Variants in MEGF9 observed in about 807,000 individuals in gnomAD.
MEGF9 encodes the protein multiple epidermal growth factor-like domains protein 9.
In MEGF9, 6 loss-of-function variants were observed where a neutral mutation model predicts 46.8. The observed-to-expected ratio is 0.13, with a 90% CI of 0.07 to 0.25. The LOEUF (loss-of-function observed/expected upper bound fraction) is 0.25, where lower values mean the gene tolerates loss of function less well. MEGF9 is among the 10% of genes least tolerant of loss of function. The probability of loss-of-function intolerance (pLI) is 1.00; values close to 1 mark genes in which losing one functional copy is unlikely to be tolerated. For synonymous variants in MEGF9, 302 were observed against 330.7 expected (o/e 0.91, Z 0.94); for missense variants, 683 against 792.4 (o/e 0.86, Z 1.66).
intron 1 of MEGF9, among the ~76,000 whole-genome samples, chr9:120,672,433 AAAATAAATAAATAAATAAAT>A (rs145401927): frequency 6.9e-6 from 1 of 144,762 alleles, no homozygotes; most frequent in Admixed American, 6.8e-5. Flanking sequence ...TCTCTACAGA[AAAATAAATAAATAAATAAAT>A]AAATAAATAA....
At chr9:120,711,613 T>C (rs1057427814) in intron 1 of MEGF9, among the ~76,000 whole-genome samples, 3 of 152,166 alleles carry the variant, frequency 2.0e-5, no homozygotes, top group Admixed American at 6.5e-5. Flanking sequence ...GGGTTACCTT[T>C]GGGGTTGAAA....
At chr9:120,632,914 C>T (rs2043557010) in intron 2 of MEGF9, among the ~76,000 whole-genome samples, 1 of 152,088 alleles carries the variant, frequency 6.6e-6, no homozygotes. Context: ...ATGTGTTGAA[C>T]CACCCTTGCA....
intron 1 of MEGF9, among the ~76,000 whole-genome samples, chr9:120,667,101 T>C (rs1410095457): frequency 1.3e-5 from 2 of 152,196 alleles, no homozygotes; most frequent in African/African-American, 2.4e-5. Flanking sequence ...TTTTAAGCAA[T>C]GAGGTCTTAC....
chr9:120,639,941 G>GC (rs2043594998), intron 2 of MEGF9, among the ~76,000 whole-genome samples: 1 of 151,948 alleles, frequency 6.6e-6, no homozygotes, highest in Non-Finnish European at 1.5e-5. Flanking sequence ...CACCCTTTAT[G>GC]CCCCTAAGCT....
rs947467373 is a variant in MEGF9, at chr9:120,601,661, A to T, written c.*3529T>A. The T allele has an allele frequency of 1.3e-5, 2 of 152,218 alleles. No individual in the cohort carries two copies. The highest frequency in any genetic ancestry group is 2.9e-5 in the Non-Finnish European group (2 of 68,042). The allele number at this position is 152,218 out of a possible 1,614,324, so 9.4% of individuals were successfully genotyped here. ...AAATCTAGGTATCACTGGGAAGAGTAACGCACTAGGCCCACAGGACCTTAG... is the reference window on the plus strand; with the variant it reads ...AAATCTAGGTATCACTGGGAAGAGTTACGCACTAGGCCCACAGGACCTTAG... On this transcript the variant is annotated 3_prime_UTR_variant, in exon 6 of 6. Transcript: ENST00000373930.
intron 3 of MEGF9, among the ~76,000 whole-genome samples, chr9:120,616,718 G>A (rs1336119108): frequency 1.4e-5 from 2 of 147,376 alleles, no homozygotes; most frequent in African/African-American, 5.0e-5. Flanking sequence ...GGGAATTAAT[G>A]TCAAATTTGT....
intron 1 of MEGF9, among the ~76,000 whole-genome samples, chr9:120,662,982 AT>A (rs2043709403): frequency 6.6e-6 from 1 of 152,212 alleles, no homozygotes; most frequent in African/African-American, 2.4e-5. Context: ...AAACAGAAGG[AT>A]TTAGGATGTG....
intron 1 of MEGF9, among the ~76,000 whole-genome samples, chr9:120,702,834 C>A (rs965743850): frequency 1.3e-5 from 2 of 152,146 alleles, no homozygotes; most frequent in Admixed American, 1.3e-4. Context: ...TCTGAGGAAC[C>A]CTGGGTCCCC....
Position 120,605,272 on chromosome 9 carries a change from C to A in MEGF9, c.1727G>T (p.Gly576Val). 6.2e-7 allele frequency: 1 copy of A among 1,614,018 alleles called. No homozygotes were observed. Among genetic ancestry groups the A allele is most frequent in the Non-Finnish European group, 8.5e-7 (1 of 1,179,888 alleles). ...TTCATTGCCATCATCTTCCAACAATCCCGAAACATCTGCATTGGGAATGCT... is the reference window on the plus strand; with the variant it reads ...TTCATTGCCATCATCTTCCAACAATACCGAAACATCTGCATTGGGAATGCT... Reference protein sequence around the residue: ...HDSIPNADVSGLLEDDGNEVA... With the variant: ...HDSIPNADVSVLLEDDGNEVA... Residue 576 changes from glycine to valine, a missense_variant, in exon 6 of 6, where the codon GGA (glycine) becomes GTA (valine). Physicochemically the swap from Gly to Val is moderately radical, Grantham distance 109 (BLOSUM62 -3). Transcript: ENST00000373930. This position sits in a 1 kb window ranked among gnomAD's most constrained non-coding sequence, Gnocchi z 4.0.
intron 2 of MEGF9, among the ~76,000 whole-genome samples, chr9:120,634,138 T>G (rs950945722): frequency 6.6e-6 from 1 of 152,202 alleles, no homozygotes; most frequent in African/African-American, 2.4e-5. Flanking sequence ...AAATGTTTCC[T>G]TGTTGATTTT....
At chr9:120,686,216 G>T (rs931119003) in intron 1 of MEGF9, among the ~76,000 whole-genome samples, 1 of 151,134 alleles carries the variant, frequency 6.6e-6, no homozygotes, top group Non-Finnish European at 1.5e-5. Context: ...CAGCCTCTCT[G>T]AGCAGCTGGG....
At chr9:120,699,609 A>G (rs1456395504) in intron 1 of MEGF9, among the ~76,000 whole-genome samples, 2 of 151,456 alleles carry the variant, frequency 1.3e-5, no homozygotes, top group East Asian at 1.9e-4. Flanking sequence ...TGTAGTCCCA[A>G]CTACTCAGGA....
chr9:120,702,597 T>C (rs1042902774), intron 1 of MEGF9, among the ~76,000 whole-genome samples: 1 of 152,246 alleles, frequency 6.6e-6, no homozygotes, highest in Non-Finnish European at 1.5e-5. Flanking sequence ...AACATTTTAA[T>C]GTAAGTTCAT....
chr9:120,610,050 G>A (rs2043438506), intron 4 of MEGF9, among the ~76,000 whole-genome samples: 1 of 152,068 alleles, frequency 6.6e-6, no homozygotes, highest in Non-Finnish European at 1.5e-5. Context: ...TGGGTAGTGT[G>A]ATCTCAAGTA....
At chr9:120,644,490 T>C in intron 2 of MEGF9, among the ~76,000 whole-genome samples, 1 of 152,180 alleles carries the variant, frequency 6.6e-6, no homozygotes, top group Admixed American at 6.5e-5. Flanking sequence ...ACTTAAAGGA[T>C]GGCTATCAGG....
At chr9:120,654,466 G>A (rs1428770988) in intron 2 of MEGF9, among the ~76,000 whole-genome samples, 1 of 152,152 alleles carries the variant, frequency 6.6e-6, no homozygotes, top group African/African-American at 2.4e-5. Context: ...GATCATAGCT[G>A]TGGTAACACA....
At position 120,700,176 on chromosome 9, in the gene MEGF9, G is replaced by A. The variant is rs141777733; in HGVS notation, c.601+13582C>T. On this transcript the variant is annotated intron_variant, in intron 1 of 5. Transcript: ENST00000373930. Reference sequence around the variant, plus strand: ...GTTTCATTTTATAGTCTGGGAAACTGAGTCATAGAGTCATCAAAAAATATA... The same window carrying A: ...GTTTCATTTTATAGTCTGGGAAACTAAGTCATAGAGTCATCAAAAAATATA... Among the ~76,000 whole-genome samples, 19 of 152,282 alleles carry A rather than the reference G, an allele frequency of 1.2e-4. No homozygotes were observed. The East Asian group carries it at 3.1e-3, about 25-fold the overall frequency.
At chr9:120,658,277 G>A (rs189804962) in intron 2 of MEGF9, among the ~76,000 whole-genome samples, 265 of 152,248 alleles carry the variant, frequency 1.7e-3, no homozygotes, top group African/African-American at 5.9e-3. Flanking sequence ...GTGAGCCACC[G>A]CGCCCAGCCT....
intron 2 of MEGF9, among the ~76,000 whole-genome samples, chr9:120,625,949 C>CT (rs1171276556): frequency 6.6e-6 from 1 of 151,680 alleles, no homozygotes; most frequent in African/African-American, 2.4e-5. Context: ...TTCATGGTCT[C>CT]TCTCTGTTAA....
Sources: allele counts gnomAD v4.1 joint callset (sites outside exome capture counted in the v4.1 genomes callset), GRCh38; gene constraint gnomAD v4.1.1; non-coding constraint Gnocchi (gnomAD v3.1); transcripts MANE v1.5; gene names NCBI Gene and HGNC (gene_info 2026-07-23, HGNC 2026-07-21).